HCN1: variants seen among roughly 807,000 people sequenced by gnomAD.
The protein encoded by HCN1 is hyperpolarization activated cyclic nucleotide gated potassium channel 1, also known as potassium/sodium hyperpolarization-activated cyclic nucleotide-gated channel 1.
A neutral mutation model predicts 78.9 loss-of-function variants in HCN1; 13 were observed. The ratio of observed to expected loss-of-function variants is 0.16; its 90% CI spans 0.11 to 0.26. The LOEUF (loss-of-function observed/expected upper bound fraction) is 0.26. Ranked by LOEUF, HCN1 falls within the 10% of genes least tolerant of loss-of-function variation. The pLI, the probability that HCN1 is intolerant of heterozygous loss-of-function variation, is 1.00. For synonymous variants in HCN1, 552 were observed against 455.5 expected (o/e 1.21, Z -2.70); for missense variants, 810 against 1,154.3 (o/e 0.70, Z 4.32).
intron 6 of HCN1, among the ~76,000 whole-genome samples, chr5:45,282,867 T>C (rs1019932230): frequency 1.1e-4 from 17 of 152,212 alleles, no homozygotes; most frequent in Admixed American, 3.3e-4. Flanking sequence ...TACCTAAATA[T>C]CATCATTTAT....
chr5:45,660,891 TCAA>T (rs1268996067), intron 1 of HCN1, among the ~76,000 whole-genome samples: 1 of 108,668 alleles, frequency 9.2e-6, no homozygotes, highest in Admixed American at 9.9e-5. Flanking sequence ...ATTAGACAGA[TCAA>T]CGAGACAGAA....
chr5:45,644,351 A>C (rs993902900), intron 2 of HCN1: 1 of 152,148 alleles, frequency 6.6e-6, no homozygotes, highest in African/African-American at 2.4e-5. Flanking sequence ...TAGGAAGAAA[A>C]GGAAGTCAAA....
intron 3 of HCN1, among the ~76,000 whole-genome samples, chr5:45,442,871 G>A (rs1480279531): frequency 1.3e-5 from 2 of 152,016 alleles, no homozygotes; most frequent in East Asian, 1.9e-4. Flanking sequence ...TAATCAGTTT[G>A]ATTAGGCTAG....
At chr5:45,674,652 C>A (rs539964371) in intron 1 of HCN1, among the ~76,000 whole-genome samples, 42 of 151,742 alleles carry the variant, frequency 2.8e-4, no homozygotes, top group African/African-American at 9.9e-4. Flanking sequence ...AAATTGAAAG[C>A]CAATGTTATC....
At chr5:45,567,645 A>G (rs1186071059) in intron 2 of HCN1, among the ~76,000 whole-genome samples, 1 of 149,300 alleles carries the variant, frequency 6.7e-6, no homozygotes, top group Non-Finnish European at 1.5e-5. Context: ...CATGAAAAAC[A>G]TAGCTTTTAG....
At chr5:45,516,127 C>T (rs1742512888) in intron 2 of HCN1, among the ~76,000 whole-genome samples, 1 of 151,930 alleles carries the variant, frequency 6.6e-6, no homozygotes, top group Non-Finnish European at 1.5e-5. Context: ...TACACAAATA[C>T]ATAGATCATT....
At chr5:45,629,089 A>T (rs1442110854) in intron 2 of HCN1, among the ~76,000 whole-genome samples, 3 of 152,132 alleles carry the variant, frequency 2.0e-5, no homozygotes, top group African/African-American at 7.2e-5. Flanking sequence ...CATCAGAGGT[A>T]AAGAGAGTCA....
chr5:45,419,558 T>C (rs1377998319), intron 3 of HCN1, among the ~76,000 whole-genome samples: 2 of 152,186 alleles, frequency 1.3e-5, no homozygotes, highest in East Asian at 1.9e-4. Context: ...TCCAAATCTG[T>C]TCTTCAGCTA....
chr5:45,383,009 TAGG>T (rs1331615145), intron 4 of HCN1, among the ~76,000 whole-genome samples: 1 of 152,148 alleles, frequency 6.6e-6, no homozygotes, highest in Non-Finnish European at 1.5e-5. Flanking sequence ...GATCTCTATA[TAGG>T]AGGTTTGTCA....
At chr5:45,649,762 T>C (rs1424084523) in intron 1 of HCN1, among the ~76,000 whole-genome samples, 2 of 152,116 alleles carry the variant, frequency 1.3e-5, no homozygotes, top group Admixed American at 1.3e-4. Flanking sequence ...AGATAGCAAA[T>C]GTTAAGAATA....
At chr5:45,306,225 A>C (rs1313767547) in intron 5 of HCN1, among the ~76,000 whole-genome samples, 1 of 152,118 alleles carries the variant, frequency 6.6e-6, no homozygotes, top group Non-Finnish European at 1.5e-5. Context: ...TATAAAAATA[A>C]TAGAGAATCC....
intron 4 of HCN1, among the ~76,000 whole-genome samples, chr5:45,373,421 T>C (rs566003104): frequency 1.5e-5 from 2 of 134,824 alleles, no homozygotes; most frequent in Admixed American, 8.4e-5. Flanking sequence ...TATTATAATA[T>C]ATATCCCTCA....
In HCN1 at chr5:45,573,222, T is replaced by G. The variant is rs188562032; in HGVS notation, c.849+71963A>C. 2.7e-3 allele frequency among the ~76,000 whole-genome samples: 417 copies of G among 152,258 alleles called. 1 individual carries two copies. The highest frequency in any genetic ancestry group is 5.0e-3 in the Non-Finnish European group (343 of 68,002). ...AACTCATCATTTTCTTCGAAATCTATTACTCTTTTCTGCTCTTCTTCCCCA... is the reference window on the plus strand; with the variant it reads ...AACTCATCATTTTCTTCGAAATCTAGTACTCTTTTCTGCTCTTCTTCCCCA... On this transcript the variant is annotated intron_variant, in intron 2 of 7. Transcript: ENST00000303230.
chr5:45,657,218 A>G (rs747371855), intron 1 of HCN1, among the ~76,000 whole-genome samples: 1 of 152,222 alleles, frequency 6.6e-6, no homozygotes, highest in Non-Finnish European at 1.5e-5. Flanking sequence ...AACTGCCAGT[A>G]TAGTGAGAAA....
intron 3 of HCN1, among the ~76,000 whole-genome samples, chr5:45,427,645 AT>A (rs1285217324): frequency 1.3e-5 from 2 of 152,068 alleles, no homozygotes; most frequent in Non-Finnish European, 2.9e-5. Flanking sequence ...TTGATCAATA[AT>A]TAGTGTTGGT....
At chr5:45,469,210 G>T (rs1741338359) in intron 2 of HCN1, among the ~76,000 whole-genome samples, 1 of 151,784 alleles carries the variant, frequency 6.6e-6, no homozygotes, top group South Asian at 2.1e-4. Flanking sequence ...ATGACCATGT[G>T]ACAGGTCAGA....
At chr5:45,329,626 AT>A (rs1370327025) in intron 5 of HCN1, among the ~76,000 whole-genome samples, 2 of 151,414 alleles carry the variant, frequency 1.3e-5, no homozygotes, top group East Asian at 1.9e-4. Flanking sequence ...AGAATAAATT[AT>A]TTTTGCAATG....
In HCN1 at chr5:45,257,581, T is replaced by A. The variant is rs1744643843; in HGVS notation, c.*4340A>T. ...AAACCTTAAAATCTCCATTTGTCCC[T>A]GTCAAAGCCTGAATTGGAAGCAGGG... On this transcript the variant is annotated 3_prime_UTR_variant, in exon 8 of 8. Transcript: ENST00000303230. 1 of 152,138 alleles carries A rather than the reference T, an allele frequency of 6.6e-6. No homozygotes were observed. Among genetic ancestry groups the A allele is most frequent in the African/African-American group, 2.4e-5 (1 of 41,428 alleles). The allele number at this position is 152,138 out of a possible 1,614,324, so 9.4% of individuals were successfully genotyped here.
Position 45,645,422 on chromosome 5 carries a change from A to C in HCN1, c.612T>G (p.Ser204=). 1 of 1,613,662 alleles carries C rather than the reference A, an allele frequency of 6.2e-7. No homozygotes were observed. The highest frequency in any genetic ancestry group is 8.5e-7 in the Non-Finnish European group (1 of 1,179,724). ...FRTGTVNEDS[S]EIILDPKVIK... is the part of the protein sequence containing the mutation. ...TCACTTTGGGGTCCAGGATGATTTC[A>C]GAACTGTCTTCATTGACAGTCCCAG... Residue 204 remains serine, a synonymous_variant, in exon 2 of 8, where the codon TCT becomes TCG. Transcript: ENST00000303230.
Sources: gnomAD v4.1 joint callset for allele counts (sites outside exome capture counted in the v4.1 genomes callset) on GRCh38, gnomAD v4.1.1 for gene constraint, MANE v1.5 for transcripts, NCBI Gene and HGNC (gene_info 2026-07-23, HGNC 2026-07-21) for gene names.